ASIC2: variants seen among roughly 807,000 people sequenced by gnomAD.
ASIC2 encodes the protein acid-sensing ion channel 2.
In ASIC2, 25 loss-of-function variants were observed where a neutral mutation model predicts 57.3. The observed-to-expected ratio is 0.44, with a 90% CI of 0.32 to 0.61. ASIC2 has a LOEUF of 0.61. ASIC2 is among the 20% of genes least tolerant of loss of function. The pLI, the probability that ASIC2 is intolerant of heterozygous loss-of-function variation, is 0.06. For missense variants in ASIC2, 641 were observed against 738.1 expected (o/e 0.87, Z 1.52); for synonymous variants, 319 against 307.5 (o/e 1.04, Z -0.39).
intron 1 of ASIC2, among the ~76,000 whole-genome samples, chr17:33,642,079 C>A (rs1906584553): frequency 6.6e-6 from 1 of 152,078 alleles, no homozygotes; most frequent in Admixed American, 6.5e-5. Flanking sequence ...TCAGAGAGCA[C>A]CAAGACCTTA....
At chr17:33,377,401 GAA>G (rs1909320591) in intron 1 of ASIC2, among the ~76,000 whole-genome samples, 1 of 152,216 alleles carries the variant, frequency 6.6e-6, no homozygotes, top group Non-Finnish European at 1.5e-5. Context: ...TCTTACAAGT[GAA>G]AGACTTTTAA....
At chr17:33,681,257 G>A (rs767624889) in intron 1 of ASIC2, among the ~76,000 whole-genome samples, 21 of 152,348 alleles carry the variant, frequency 1.4e-4, no homozygotes, top group Non-Finnish European at 2.1e-4. Flanking sequence ...TAAGGGCAGA[G>A]TTTCTCAACC....
At chr17:33,375,553 A>G (rs1909245857) in intron 1 of ASIC2, among the ~76,000 whole-genome samples, 1 of 152,220 alleles carries the variant, frequency 6.6e-6, no homozygotes. Context: ...TTGCGTTTTA[A>G]AAGGATAGTT....
At chr17:33,877,831 C>T (rs1482322458) in intron 1 of ASIC2, among the ~76,000 whole-genome samples, 2 of 152,192 alleles carry the variant, frequency 1.3e-5, no homozygotes, top group South Asian at 2.1e-4. Flanking sequence ...TCCTGACCCC[C>T]GAGTAGCCTA....
chr17:33,374,384 G>A (rs1019910175), intron 1 of ASIC2, among the ~76,000 whole-genome samples: 5 of 152,050 alleles, frequency 3.3e-5, no homozygotes, highest in African/African-American at 7.2e-5. Context: ...GGGTCCCGTG[G>A]CACCCCCAAG....
At chr17:33,240,338 T>C (rs1908454695) in intron 1 of ASIC2, among the ~76,000 whole-genome samples, 2 of 152,112 alleles carry the variant, frequency 1.3e-5, no homozygotes, top group African/African-American at 4.8e-5. Context: ...TTTTTTTGGA[T>C]CTCAGCTCAT....
At chr17:33,649,784 A>G (rs1004886613) in intron 1 of ASIC2, among the ~76,000 whole-genome samples, 10 of 152,220 alleles carry the variant, frequency 6.6e-5, no homozygotes, top group Non-Finnish European at 1.3e-4. Flanking sequence ...AGGAAGGTAA[A>G]TTTTGAACAA....
intron 1 of ASIC2, among the ~76,000 whole-genome samples, chr17:33,357,012 C>T (rs1466497790): frequency 0.051 from 4 of 78 alleles, no homozygotes; most frequent in Non-Finnish European, 0.13. Flanking sequence ...TCTCAAACTT[C>T]TTTGAGCATC....
chr17:33,640,154 A>T (rs1270744728), intron 1 of ASIC2, among the ~76,000 whole-genome samples: 2 of 152,010 alleles, frequency 1.3e-5, no homozygotes, highest in Admixed American at 1.3e-4. Context: ...TTATCTACAT[A>T]ATAAAGATCT....
intron 1 of ASIC2, among the ~76,000 whole-genome samples, chr17:33,312,994 T>A (rs752506957): frequency 2.0e-4 from 31 of 152,074 alleles, no homozygotes; most frequent in Non-Finnish European, 4.0e-4. Flanking sequence ...AACAAGAACC[T>A]AAGGTGAACA....
chr17:33,666,999 G>T (rs1907495467), intron 1 of ASIC2, among the ~76,000 whole-genome samples: 1 of 152,090 alleles, frequency 6.6e-6, no homozygotes, highest in Admixed American at 6.5e-5. Context: ...ATTTAACTGG[G>T]TGCCCTGTTT....
chr17:33,340,669 A>G (rs367864937), intron 1 of ASIC2, among the ~76,000 whole-genome samples: 5 of 152,206 alleles, frequency 3.3e-5, no homozygotes, highest in African/African-American at 1.2e-4. Context: ...TGGTTTAGGG[A>G]GGGAGGTGCT....
At chr17:33,430,521 A>G (rs952642900) in intron 1 of ASIC2, among the ~76,000 whole-genome samples, 2 of 152,118 alleles carry the variant, frequency 1.3e-5, no homozygotes, top group African/African-American at 4.8e-5. Context: ...CAATGCCTTC[A>G]TCTAGATGTA....
chr17:33,361,809 T>C lies in ASIC2; in HGVS notation c.556-249742A>G, dbSNP rs960028787. Among the ~76,000 whole-genome samples, 4 of 152,338 alleles carry C rather than the reference T, an allele frequency of 2.6e-5. No homozygotes were observed. In the Middle Eastern group the frequency reaches 0.01, roughly 389 times the overall value. On this transcript the variant is annotated intron_variant, in intron 1 of 9. Transcript: ENST00000359872. Reference sequence around the variant, plus strand: ...AAAGTAAGACATATGGAACAGTTCTTGCCCTTGCTAATGTAACAATATCCT... The same window carrying C: ...AAAGTAAGACATATGGAACAGTTCTCGCCCTTGCTAATGTAACAATATCCT...
At chr17:33,604,046 G>C (rs1905169567) in intron 1 of ASIC2, among the ~76,000 whole-genome samples, 1 of 152,188 alleles carries the variant, frequency 6.6e-6, no homozygotes, top group Non-Finnish European at 1.5e-5. Context: ...TAGCTGCAAG[G>C]CGGCCTAGAA....
At chr17:33,108,040 T>G (rs1156346328) in intron 2 of ASIC2, among the ~76,000 whole-genome samples, 1 of 152,176 alleles carries the variant, frequency 6.6e-6, no homozygotes, top group East Asian at 1.9e-4. Context: ...ACCCTCTCAT[T>G]GCTTACAGTT....
rs1021293244 is a variant in ASIC2, at chr17:34,152,406, C to T, written c.555+3572G>A. Among the ~76,000 whole-genome samples, 3 of 152,158 alleles carry T rather than the reference C, an allele frequency of 2.0e-5. No homozygotes were observed. In the East Asian group the frequency reaches 5.8e-4, roughly 29 times the overall value. On this transcript the variant is annotated intron_variant, in intron 1 of 9. Coordinates refer to the ASIC2 transcript ENST00000359872. The stretch of plus-strand genomic sequence containing the variant: ...CACAAGCAGTAGGGCCACCACCTGT[C>T]AGCAAGAGTTAACTATCGAATCCAA...
At position 33,067,334 on chromosome 17, in the gene ASIC2, C is replaced by T. The variant is rs530498327; in HGVS notation, c.987+21529G>A. 2.0e-5 allele frequency among the ~76,000 whole-genome samples: 3 copies of T among 152,214 alleles called. No individual in the cohort carries two copies. The East Asian group carries it at 5.8e-4, about 29-fold the overall frequency. ...CTCTGTGGGCATCTGAGAAGGCTTC[C>T]TGGAGGAGGTGGCATGGAAGGAAGT... On this transcript the variant is annotated intron_variant, in intron 3 of 9. Transcript: ENST00000225823.
At chr17:34,122,502 G>A (rs913012965) in intron 1 of ASIC2, among the ~76,000 whole-genome samples, 20 of 152,250 alleles carry the variant, frequency 1.3e-4, no homozygotes, top group Non-Finnish European at 2.1e-4. Context: ...CTCATCTAGA[G>A]AGAGCGAGTC....
Sources: gnomAD v4.1 joint callset for allele counts (sites outside exome capture counted in the v4.1 genomes callset) on GRCh38, gnomAD v4.1.1 for gene constraint, MANE v1.5 for transcripts, NCBI Gene and HGNC (gene_info 2026-07-23, HGNC 2026-07-21) for gene names.